Variants in CDKAL1 observed in about 807,000 individuals in gnomAD.
The protein encoded by CDKAL1 is CDKAL1 threonylcarbamoyladenosine tRNA methylthiotransferase, also known as threonylcarbamoyladenosine tRNA methylthiotransferase.
A neutral mutation model predicts 68.2 loss-of-function variants in CDKAL1; 32 were observed. The observed-to-expected ratio is 0.47, with a 90% CI of 0.35 to 0.63. The LOEUF is 0.63. Among genes scored for constraint, CDKAL1 ranks in the 30% least tolerant of loss-of-function variants. The pLI is 0.00. For missense variants in CDKAL1, 606 were observed against 696.7 expected (o/e 0.87, Z 1.47); for synonymous variants, 234 against 244.3 (o/e 0.96, Z 0.39).
At chr6:20,571,352 T>C (rs1561933942) in intron 4 of CDKAL1, among the ~76,000 whole-genome samples, 3 of 151,988 alleles carry the variant, frequency 2.0e-5, no homozygotes, top group South Asian at 2.1e-4. Context: ...TGTTGTGTTA[T>C]GTATTCAGCA....
At chr6:21,020,058 A>C (rs996655499) in intron 11 of CDKAL1, among the ~76,000 whole-genome samples, 3 of 152,210 alleles carry the variant, frequency 2.0e-5, no homozygotes, top group African/African-American at 2.4e-5. Context: ...ATTAGAAACA[A>C]ATTTTTCTGT....
intron 9 of CDKAL1, among the ~76,000 whole-genome samples, chr6:20,865,603 A>ACATTTAAAACC (rs1334511364): frequency 6.8e-6 from 1 of 146,906 alleles, no homozygotes; most frequent in Non-Finnish European, 1.5e-5. Flanking sequence ...TCTGTAAGGT[A>ACATTTAAAACC]CATTTAAAAC....
At chr6:20,545,491 C>T (rs978792168) in intron 2 of CDKAL1, among the ~76,000 whole-genome samples, 1 of 152,044 alleles carries the variant, frequency 6.6e-6, no homozygotes, top group Non-Finnish European at 1.5e-5. Context: ...GGCTGGAGTG[C>T]AGTGGTGCAC....
intron 5 of CDKAL1, among the ~76,000 whole-genome samples, chr6:20,730,139 C>T (rs1230795029): frequency 6.6e-6 from 1 of 151,752 alleles, no homozygotes; most frequent in Non-Finnish European, 1.5e-5. Context: ...GGGCAAAACC[C>T]TGTGTCTAAA....
intron 8 of CDKAL1, among the ~76,000 whole-genome samples, chr6:20,812,342 A>G (rs1000329872): frequency 1.3e-5 from 2 of 152,166 alleles, no homozygotes; most frequent in African/African-American, 2.4e-5. Flanking sequence ...GCTTCAAACT[A>G]TTGCTTATTG....
intron 5 of CDKAL1, among the ~76,000 whole-genome samples, chr6:20,651,127 C>T (rs977671409): frequency 6.6e-6 from 1 of 151,878 alleles, no homozygotes; most frequent in African/African-American, 2.4e-5. Flanking sequence ...AGTATTGAAT[C>T]TACAAATTAC....
At chr6:21,117,718 G>A (rs1582234062) in intron 13 of CDKAL1, among the ~76,000 whole-genome samples, 1 of 152,154 alleles carries the variant, frequency 6.6e-6, no homozygotes. Flanking sequence ...AGTTGCGTGA[G>A]CATTATACAT....
At chr6:20,837,744 T>TATAATAATA (rs56163103) in intron 8 of CDKAL1, among the ~76,000 whole-genome samples, 3,065 of 148,042 alleles carry the variant, frequency 0.021, 38 homozygotes, top group Middle Eastern at 0.035. Flanking sequence ...CACTTCAGCA[T>TATAATAATA]ATAATAATAA....
At chr6:20,668,126 C>T (rs1769640439) in intron 5 of CDKAL1, among the ~76,000 whole-genome samples, 1 of 151,650 alleles carries the variant, frequency 6.6e-6, no homozygotes, top group Admixed American at 6.6e-5. Flanking sequence ...AATTGTGTAT[C>T]CTGGAATAAT....
At chr6:20,592,468 C>CT (rs34023799) in intron 4 of CDKAL1, among the ~76,000 whole-genome samples, 3,279 of 130,400 alleles carry the variant, frequency 0.025, 123 homozygotes, top group African/African-American at 0.074. Flanking sequence ...ATGCTTCCAG[C>CT]TTTTTTTTTT....
chr6:20,805,122 TGCTG>T (rs1261960809), intron 8 of CDKAL1, among the ~76,000 whole-genome samples: 1 of 152,208 alleles, frequency 6.6e-6, no homozygotes, highest in Non-Finnish European at 1.5e-5. Flanking sequence ...TGCATTTCAC[TGCTG>T]GATGGACTGT....
intron 9 of CDKAL1, among the ~76,000 whole-genome samples, chr6:20,936,791 T>TAAC (rs1763742101): frequency 6.6e-6 from 1 of 152,228 alleles, no homozygotes; most frequent in Non-Finnish European, 1.5e-5. Flanking sequence ...AGAAGCACCA[T>TAAC]AACAGTAGCC....
At chr6:20,878,904 C>A (rs999867820) in intron 9 of CDKAL1, among the ~76,000 whole-genome samples, 1 of 151,584 alleles carries the variant, frequency 6.6e-6, no homozygotes, top group Non-Finnish European at 1.5e-5. Context: ...CATGGTGAAA[C>A]CCTCTCTATA....
At chr6:20,569,190 A>G (rs902270432) in intron 4 of CDKAL1, among the ~76,000 whole-genome samples, 2 of 152,122 alleles carry the variant, frequency 1.3e-5, no homozygotes, top group South Asian at 4.1e-4. Context: ...TAAATTTAGC[A>G]TTTTTCTAGT....
At chr6:20,832,953 C>A (rs963545898) in intron 8 of CDKAL1, among the ~76,000 whole-genome samples, 2 of 152,092 alleles carry the variant, frequency 1.3e-5, no homozygotes, top group African/African-American at 4.8e-5. Flanking sequence ...TTGTCTCAAT[C>A]TCTAAAAGAA....
intron 10 of CDKAL1, among the ~76,000 whole-genome samples, chr6:20,962,778 A>G (rs1765115331): frequency 1.3e-5 from 2 of 152,198 alleles, no homozygotes; most frequent in African/African-American, 2.4e-5. Context: ...AAGACATGCT[A>G]GATTACTTAT....
intron 4 of CDKAL1, among the ~76,000 whole-genome samples, chr6:20,626,490 G>T (rs146754061): frequency 6.6e-6 from 1 of 152,086 alleles, no homozygotes; most frequent in Non-Finnish European, 1.5e-5. Flanking sequence ...GTACTAAAAG[G>T]CTCCAGAAAT....
intron 9 of CDKAL1, among the ~76,000 whole-genome samples, chr6:20,912,628 A>G (rs1762516381): frequency 6.6e-6 from 1 of 152,138 alleles, no homozygotes; most frequent in African/African-American, 2.4e-5. Context: ...GAACCTGAGG[A>G]TCAACCTTAC....
chr6:20,600,789 C>CACATATATATATATATATATATACAT (rs1368188844), intron 4 of CDKAL1, among the ~76,000 whole-genome samples: 3 of 130,480 alleles, frequency 2.3e-5, no homozygotes, highest in South Asian at 2.5e-4. Context: ...TATATATATA[C>CACATATATATATATATATATATACAT]ACACACACAC....
Sources: allele counts gnomAD v4.1 joint callset (sites outside exome capture counted in the v4.1 genomes callset), GRCh38; gene constraint gnomAD v4.1.1; transcripts MANE v1.5; gene names NCBI Gene and HGNC (gene_info 2026-07-23, HGNC 2026-07-21).